Variants in DNAJC1 observed in about 807,000 individuals in gnomAD.
DNAJC1 encodes the protein DnaJ heat shock protein family (Hsp40) member C1.
DNAJC1 carries 58 observed loss-of-function variants against 76.6 expected under a neutral mutation model. That is an observed-to-expected ratio of 0.76 (90% CI 0.61 to 0.94). The LOEUF is 0.94. DNAJC1 is among the 40% of genes least tolerant of loss of function. The pLI is 0.00. For synonymous variants in DNAJC1, 258 were observed against 267.9 expected, an observed-to-expected ratio of 0.96 and a Z score of 0.36; for missense variants, 689 against 677.3, an observed-to-expected ratio of 1.02 and a Z score of -0.19.
At chr10:21,761,537 T>G in intron 10 of DNAJC1, among the ~76,000 whole-genome samples, 1 of 131,058 alleles carries the variant, frequency 7.6e-6, no homozygotes, top group Non-Finnish European at 1.6e-5. Flanking sequence ...GGCGACAGAG[T>G]GAGACTCCGT....
At chr10:21,760,533 C>CAGGGAAAT (rs1273351660) in intron 10 of DNAJC1, among the ~76,000 whole-genome samples, 2 of 152,170 alleles carry the variant, frequency 1.3e-5, no homozygotes, top group African/African-American at 4.8e-5. Flanking sequence ...TGGCAAAATG[C>CAGGGAAAT]AGGGAAATAG....
At chr10:21,867,916 A>G (rs923486631) in intron 8 of DNAJC1, among the ~76,000 whole-genome samples, 1 of 151,342 alleles carries the variant, frequency 6.6e-6, no homozygotes. Flanking sequence ...TACTAAAAAT[A>G]CAAAAAATTA....
intron 1 of DNAJC1, among the ~76,000 whole-genome samples, chr10:21,955,775 C>A (rs190226886): frequency 6.6e-6 from 1 of 152,226 alleles, no homozygotes; most frequent in Admixed American, 6.5e-5. Context: ...ATTAGCATCT[C>A]CATATGCTTA....
intron 7 of DNAJC1, among the ~76,000 whole-genome samples, chr10:21,903,937 G>A (rs902036932): frequency 6.6e-6 from 1 of 152,158 alleles, no homozygotes; most frequent in Non-Finnish European, 1.5e-5. Context: ...CCAAGATGTA[G>A]ATAAGGCAAA....
At chr10:21,927,525 A>G (rs1338095174) in intron 3 of DNAJC1, among the ~76,000 whole-genome samples, 1 of 152,198 alleles carries the variant, frequency 6.6e-6, no homozygotes, top group African/African-American at 2.4e-5. Context: ...ATCGTAGAAC[A>G]TTTTCAAATT....
intron 4 of DNAJC1, 33 bp downstream of exon 4, chr10:21,920,765 G>A (rs1400989421): frequency 6.4e-7 from 1 of 1,564,978 alleles, no homozygotes; most frequent in Non-Finnish European, 8.7e-7. Context: ...AAATTAAGGA[G>A]GCTAGTTCAT....
At chr10:21,841,030 T>A (rs1406284413) in intron 8 of DNAJC1, among the ~76,000 whole-genome samples, 4 of 152,204 alleles carry the variant, frequency 2.6e-5, no homozygotes, top group African/African-American at 9.7e-5. Context: ...CAAATGGTGC[T>A]GGGAAAACTG....
chr10:21,978,535 T>C (rs1298694162), intron 1 of DNAJC1, among the ~76,000 whole-genome samples: 1 of 152,160 alleles, frequency 6.6e-6, no homozygotes, highest in Non-Finnish European at 1.5e-5. Flanking sequence ...AGACAACATG[T>C]GGCAGTCTAT....
At chr10:21,825,345 C>T (rs1273112845) in intron 8 of DNAJC1, among the ~76,000 whole-genome samples, 1 of 152,236 alleles carries the variant, frequency 6.6e-6, no homozygotes, top group Admixed American at 6.5e-5. Context: ...TTTCAGTGTT[C>T]ATCCCCAGTG....
chr10:21,765,045 C>T (rs534732102), intron 10 of DNAJC1, among the ~76,000 whole-genome samples: 12 of 152,306 alleles, frequency 7.9e-5, no homozygotes, highest in Admixed American at 2.6e-4. Flanking sequence ...CTCTGAGCTG[C>T]GCTGCCTTTT....
chr10:21,878,316 C>T (rs1464604638), intron 8 of DNAJC1, among the ~76,000 whole-genome samples: 5 of 152,092 alleles, frequency 3.3e-5, no homozygotes, highest in Non-Finnish European at 7.4e-5. Context: ...GAGGTTTAAG[C>T]CAACACTTGC....
At chr10:21,942,665 G>T (rs1177580581) in intron 1 of DNAJC1, among the ~76,000 whole-genome samples, 70 of 151,812 alleles carry the variant, frequency 4.6e-4, no homozygotes, top group Non-Finnish European at 1.3e-4. Flanking sequence ...AATTAGCCGG[G>T]TGTGGCGGCG....
intron 9 of DNAJC1, among the ~76,000 whole-genome samples, chr10:21,770,529 C>G (rs1259644256): frequency 6.6e-6 from 1 of 151,522 alleles, no homozygotes; most frequent in Non-Finnish European, 1.5e-5. Flanking sequence ...TCACAAGTAA[C>G]TGGGACTACA....
intron 9 of DNAJC1, among the ~76,000 whole-genome samples, chr10:21,791,597 A>C (rs1411648459): frequency 2.0e-5 from 3 of 152,250 alleles, no homozygotes; most frequent in Non-Finnish European, 4.4e-5. Flanking sequence ...GGAACTTTCA[A>C]AACCATACAA....
chr10:21,962,352 G>C (rs1196708268), intron 1 of DNAJC1, among the ~76,000 whole-genome samples: 1 of 148,206 alleles, frequency 6.7e-6, no homozygotes, highest in African/African-American at 2.5e-5. Context: ...ATTAAGACTT[G>C]CCACTTCTTA....
intron 8 of DNAJC1, among the ~76,000 whole-genome samples, chr10:21,811,967 T>C (rs1834973934): frequency 1.3e-5 from 2 of 152,204 alleles, no homozygotes; most frequent in Admixed American, 1.3e-4. Flanking sequence ...TTACCAACAC[T>C]TGACATGGTC....
intron 3 of DNAJC1, among the ~76,000 whole-genome samples, chr10:21,921,380 T>C (rs2131771597): frequency 6.6e-6 from 1 of 152,144 alleles, no homozygotes; most frequent in Middle Eastern, 3.4e-3. Flanking sequence ...ACATATTAAT[T>C]GAATCAAATT....
chr10:21,822,821 G>T (rs369693361), intron 8 of DNAJC1, among the ~76,000 whole-genome samples: 24 of 151,802 alleles, frequency 1.6e-4, no homozygotes, highest in African/African-American at 5.8e-4. Flanking sequence ...GTCATGACAA[G>T]GCTTGAAAAT....
chr10:21,834,798 G>C (rs1443044431), intron 8 of DNAJC1, among the ~76,000 whole-genome samples: 2 of 152,194 alleles, frequency 1.3e-5, no homozygotes, highest in East Asian at 1.9e-4. Context: ...TGCCAAGTTA[G>C]TTGTTTGATT....
Sources: allele counts gnomAD v4.1 joint callset (sites outside exome capture counted in the v4.1 genomes callset), GRCh38; gene constraint gnomAD v4.1.1; transcripts MANE v1.5; gene names NCBI Gene and HGNC (gene_info 2026-07-23, HGNC 2026-07-21).